Variants in ELL observed in about 807,000 individuals in gnomAD.
ELL encodes RNA polymerase II elongation factor ELL.
A neutral mutation model predicts 64.0 loss-of-function variants in ELL; 18 were observed. The observed-to-expected ratio is 0.28, with a 90% confidence interval of 0.19 to 0.42. ELL has a LOEUF of 0.42. Among genes scored for constraint, ELL ranks in the 10% least tolerant of loss-of-function variants. The probability of loss-of-function intolerance (pLI) is 1.00; values close to 1 mark genes in which losing one functional copy is unlikely to be tolerated. For synonymous variants in ELL, 399 were observed against 376.2 expected, an observed-to-expected ratio of 1.06 and a Z score of -0.70; for missense variants, 797 against 870.4, an observed-to-expected ratio of 0.92 and a Z score of 1.06.
chr19:18,462,349 G>A (rs1974842855), intron 4 of ELL, among the ~76,000 whole-genome samples: 1 of 95,088 alleles, frequency 1.1e-5, no homozygotes, highest in African/African-American at 6.0e-5. Context: ...GTGTGTGTGT[G>A]TGTGTGTGTG....
intron 6 of ELL, 46 bp downstream of exon 6, chr19:18,458,159 C>A: frequency 6.3e-7 from 1 of 1,597,774 alleles, no homozygotes; most frequent in Non-Finnish European, 8.5e-7. Flanking sequence ...GCTCTGGCTG[C>A]CTTCATGCGG....
intron 2 of ELL, among the ~76,000 whole-genome samples, chr19:18,467,322 G>A (rs1175454228): frequency 6.6e-6 from 1 of 152,042 alleles, no homozygotes; most frequent in Admixed American, 6.5e-5. Context: ...CCATCTGCTG[G>A]GGTCTGCCCA....
rs765676443 is a variant in ELL at position 18,462,334 on chromosome 19, G to GGTGTGTGTGT, written c.470-483_470-482insACACACACAC. Among the ~76,000 whole-genome samples the GGTGTGTGTGT allele has an allele frequency of 6.6e-4, 60 of 90,558 alleles. 1 individual carries two copies. The highest frequency in any genetic ancestry group is 4.5e-3 in the Middle Eastern group (1 of 220). 59.4% of individuals were successfully genotyped at this position (90,558 alleles called of 152,430 possible). A position where few individuals can be genotyped will look rare whatever the true frequency, so the allele number is the denominator to read the frequency against. Reference sequence around the variant, plus strand: ...TGAAATCACCTGATCACTCTAGTGGGCTGTGTGTGTGTGTGTGTGTGTGTG... The same window carrying GGTGTGTGTGT: ...TGAAATCACCTGATCACTCTAGTGGGGTGTGTGTGTCTGTGTGTGTGTGTGTGTGTGTGTG... On this transcript the variant is annotated intron_variant, in intron 4 of 11. Transcript: ENST00000262809.
At chr19:18,513,298 C>T (rs1976066232) in intron 1 of ELL, among the ~76,000 whole-genome samples, 1 of 152,222 alleles carries the variant, frequency 6.6e-6, no homozygotes, top group East Asian at 1.9e-4. Context: ...TGTACACACA[C>T]AAGGCCTGCA....
chr19:18,444,941 T>C, intron 11 of ELL, 73 bp from the exon 12 acceptor site: 1 of 1,502,064 alleles, frequency 6.7e-7, no homozygotes. Flanking sequence ...CAGGCCAGTG[T>C]CCCCCCCAAA....
In ELL at chr19:18,458,380, G is replaced by A. The variant is rs550098958; in HGVS notation, c.745-51C>T. On this transcript the variant is annotated intron_variant, in intron 5 of 11. Coordinates refer to ENST00000262809, the MANE Select transcript of ELL (RefSeq NM_006532.4). ...TTGTGGGAATCCTGAGAGAGACGGG[G>A]GACTAGAGAAAAAAGATCTGATAGT... The A allele has an allele frequency of 8.8e-6, 14 of 1,584,244 alleles. No homozygotes were observed. The African/African-American group carries it at 1.9e-4, about 21-fold the overall frequency.
intron 1 of ELL, among the ~76,000 whole-genome samples, chr19:18,488,863 T>C (rs1397605710): frequency 6.6e-6 from 1 of 152,206 alleles, no homozygotes; most frequent in African/African-American, 2.4e-5. Flanking sequence ...CACCCTGCTA[T>C]GTCAGAATGT....
chr19:18,495,479 A>C (rs1436384574), intron 1 of ELL, among the ~76,000 whole-genome samples: 1 of 152,190 alleles, frequency 6.6e-6, no homozygotes, highest in African/African-American at 2.4e-5. Flanking sequence ...AGCTGCCCTG[A>C]GTAGCACAGC....
At chr19:18,452,657 C>A (rs1221340828) in intron 6 of ELL, among the ~76,000 whole-genome samples, 1 of 152,228 alleles carries the variant, frequency 6.6e-6, no homozygotes, top group Non-Finnish European at 1.5e-5. Flanking sequence ...AGCTCTACTC[C>A]AGATCCTCAT....
Position 18,501,798 on chromosome 19 carries a change from T to C in ELL, c.135+20123A>G, listed in dbSNP as rs2144965596. 6.6e-6 allele frequency among the ~76,000 whole-genome samples: 1 copy of C among 152,154 alleles called. No individual in the cohort carries two copies. The highest frequency in any genetic ancestry group is 1.9e-4 in the East Asian group (1 of 5,174). On this transcript the variant is annotated intron_variant, in intron 1 of 11. Coordinates refer to ENST00000262809, the MANE Select transcript of ELL (RefSeq NM_006532.4). This position sits in a 1 kb window ranked among gnomAD's most constrained non-coding sequence, Gnocchi z 4.5. The stretch of plus-strand genomic sequence containing the variant: ...ACAAATGGTCCATCCTTGGGGAGCA[T>C]CTCCCCCACATCCTCAACCTCCAGC...
At position 18,449,839 on chromosome 19, in the gene ELL, G is replaced by A. The variant is rs548285539; in HGVS notation, c.1465+638C>T. 2.4e-4 allele frequency among the ~76,000 whole-genome samples: 36 copies of A among 152,350 alleles called. No homozygotes were observed. The highest frequency in any genetic ancestry group is 7.2e-4 in the African/African-American group (30 of 41,572). On this transcript the variant is annotated intron_variant, in intron 8 of 11. Transcript: ENST00000262809. This position sits in a 1 kb window ranked among gnomAD's most constrained non-coding sequence, Gnocchi z 4.4. ...AACAGCTGCGCAGGCTCATGGCCACGGTGCTAGGCGGGTGCTACTGCTGCT... is the reference window on the plus strand; with the variant it reads ...AACAGCTGCGCAGGCTCATGGCCACAGTGCTAGGCGGGTGCTACTGCTGCT...
rs559344037 is a variant in ELL, at chr19:18,449,807, A to G, written c.1465+670T>C. ...CTGGCCACTGCTTCTGCTGGTTCCT[A>G]TAAATGAACAGCTGCGCAGGCTCAT... On this transcript the variant is annotated intron_variant, in intron 8 of 11. Coordinates refer to ENST00000262809, the MANE Select transcript of ELL (RefSeq NM_006532.4). This position sits in a 1 kb window ranked among gnomAD's most constrained non-coding sequence, Gnocchi z 4.4. 6.6e-6 allele frequency among the ~76,000 whole-genome samples: 1 copy of G among 152,302 alleles called. No homozygotes were observed. The highest frequency in any genetic ancestry group is 1.9e-4 in the East Asian group (1 of 5,176).
At chr19:18,458,681 C>CT (rs1974736762) in intron 5 of ELL, among the ~76,000 whole-genome samples, 2 of 151,978 alleles carry the variant, frequency 1.3e-5, no homozygotes, top group African/African-American at 2.4e-5. Context: ...TGCTTTTTTT[C>CT]CTTTTTTGAT....
intron 1 of ELL, among the ~76,000 whole-genome samples, chr19:18,517,557 T>C (rs909039825): frequency 6.6e-6 from 1 of 151,736 alleles, no homozygotes; most frequent in African/African-American, 2.4e-5. Flanking sequence ...GGCCATCCCA[T>C]GCAGGTTTTT....
At chr19:18,455,206 AG>A (rs1258293597) in intron 6 of ELL, among the ~76,000 whole-genome samples, 1 of 151,468 alleles carries the variant, frequency 6.6e-6, no homozygotes, top group Non-Finnish European at 1.5e-5. Flanking sequence ...GAACATGATG[AG>A]TTAGGCCAGG....
intron 6 of ELL, among the ~76,000 whole-genome samples, chr19:18,455,492 GAAAA>G (rs894882196): frequency 8.4e-6 from 1 of 118,816 alleles, no homozygotes. Flanking sequence ...TCTGTCTCAG[GAAAA>G]AAAAAAAAAA....
intron 1 of ELL, among the ~76,000 whole-genome samples, chr19:18,496,009 T>A (rs1256262556): frequency 6.6e-6 from 1 of 152,160 alleles, no homozygotes; most frequent in African/African-American, 2.4e-5. Flanking sequence ...TTGGAGGTGA[T>A]GTGGGAGGTT....
At position 18,484,354 on chromosome 19, in the gene ELL, A is replaced by C. The variant is rs10415730; in HGVS notation, c.136-11472T>G. On this transcript the variant is annotated intron_variant, in intron 1 of 11. Coordinates refer to ENST00000262809, the MANE Select transcript of ELL (RefSeq NM_006532.4). Reference sequence around the variant, plus strand: ...GTGGCAGGTGCCTGAAATTCCAGCTACCCGGGAGGCTGAGGCAAGAAAATC... The same window carrying C: ...GTGGCAGGTGCCTGAAATTCCAGCTCCCCGGGAGGCTGAGGCAAGAAAATC... Among the ~76,000 whole-genome samples the C allele has an allele frequency of 3.7e-3, 570 of 152,180 alleles. 3 individuals carry two copies. Among genetic ancestry groups the C allele is most frequent in the African/African-American group, 0.012 (507 of 41,524 alleles).
rs2144877682 is a variant in ELL at position 18,442,712 on chromosome 19, G to C, written c.*2040C>G. 5.1e-6 allele frequency: 1 copy of C among 195,150 alleles called. No individual in the cohort carries two copies. Among genetic ancestry groups the C allele is most frequent in the South Asian group, 1.9e-4 (1 of 5,166 alleles). The allele number at this position is 195,150 out of a possible 1,614,324, so 12.1% of individuals were successfully genotyped here. On this transcript the variant is annotated 3_prime_UTR_variant, in exon 12 of 12. Transcript: ENST00000262809. ...GAATGAAAAAAGTCAGCATTCACCT[G>C]TTTAGTGTACAAAAAGGACACTAGA...
Sources: gnomAD v4.1 joint callset for allele counts (sites outside exome capture counted in the v4.1 genomes callset) on GRCh38, gnomAD v4.1.1 for gene constraint, Gnocchi (gnomAD v3.1) non-coding constraint, MANE v1.5 for transcripts, NCBI Gene and HGNC (gene_info 2026-07-23, HGNC 2026-07-21) for gene names.